SRSF10: variants seen among roughly 807,000 people sequenced by gnomAD.
SRSF10 encodes serine and arginine rich splicing factor 10.
Under a neutral mutation model 32.6 loss-of-function variants are expected in SRSF10, and 9 were observed. That is an observed-to-expected ratio of 0.28 (90% CI 0.17 to 0.48). The LOEUF (loss-of-function observed/expected upper bound fraction) is 0.48, where lower values mean the gene tolerates loss of function less well. Ranked by LOEUF, SRSF10 falls within the 20% of genes least tolerant of loss-of-function variation. The pLI, the probability that SRSF10 is intolerant of heterozygous loss-of-function variation, is 0.99. For missense variants in SRSF10, 201 were observed against 331.8 expected (o/e 0.61, Z 3.06); for synonymous variants, 105 against 112.4 (o/e 0.93, Z 0.42).
rs1420027265 is a variant in SRSF10, at chr1:23,971,729, A to AT, written c.438-104dup. The AT allele has an allele frequency of 2.3e-5, 35 of 1,509,480 alleles. No homozygotes were observed. The African/African-American group carries it at 3.4e-4, about 15-fold the overall frequency. The allele number at this position is 1,509,480 out of a possible 1,614,324, so 93.5% of individuals were successfully genotyped here. ...AACTTTTAAAATAAAATGCTACAGT[A>AT]TTTTTTGTCTCAATGAAACATTCAA... On this transcript the variant is annotated intron_variant, in intron 4 of 5. Transcript: ENST00000492112.
At chr1:23,977,912 T>C (rs1642191303) in intron 2 of SRSF10, 1 of 981,660 alleles carries the variant, frequency 1.0e-6, no homozygotes, top group South Asian at 4.7e-5. Context: ...GTAGGATACA[T>C]CAGGTATGAC....
intron 3 of SRSF10, among the ~76,000 whole-genome samples, chr1:23,972,550 C>T (rs1641830680): frequency 6.6e-6 from 1 of 152,136 alleles, no homozygotes; most frequent in Non-Finnish European, 1.5e-5. Context: ...TGAAGCCATT[C>T]TCCTGCCTCA....
chr1:23,970,131 C>A lies in SRSF10; in HGVS notation c.*1011G>T, dbSNP rs1641656080. 1.0e-6 allele frequency: 1 copy of A among 985,192 alleles called. No individual in the cohort carries two copies. Among genetic ancestry groups the A allele is most frequent in the Admixed American group, 6.1e-5 (1 of 16,262 alleles). 61.0% of individuals were successfully genotyped at this position (985,192 alleles called of 1,614,324 possible). On this transcript the variant is annotated 3_prime_UTR_variant, in exon 6 of 6. Coordinates refer to ENST00000492112, the MANE Select transcript of SRSF10 (RefSeq NM_054016.4). ...TTTAGAATAACTACATAAGAATATTCCTTTTTCCTTAAAATTATTTTTGCC... is the reference window on the plus strand; with the variant it reads ...TTTAGAATAACTACATAAGAATATTACTTTTTCCTTAAAATTATTTTTGCC...
In SRSF10 at chr1:23,969,814, C is replaced by T; in HGVS notation, c.*1328G>A. ...AGATGTGACTCTTGCTTAAAACTGA[C>T]TAATCCTTTTCCCCAAATTACCTTA... On this transcript the variant is annotated 3_prime_UTR_variant, in exon 6 of 6. Transcript: ENST00000492112. 2 of 985,416 alleles carry T rather than the reference C, an allele frequency of 2.0e-6. No homozygotes were observed. The highest frequency in any genetic ancestry group is 2.4e-6 in the Non-Finnish European group (2 of 829,928). The allele number at this position is 985,416 out of a possible 1,614,324, so 61.0% of individuals were successfully genotyped here. A position where few individuals can be genotyped will look rare whatever the true frequency, so the allele number is the denominator to read the frequency against.
At chr1:23,977,381 G>C (rs1446699061) in intron 2 of SRSF10, 1 of 152,258 alleles carries the variant, frequency 6.6e-6, no homozygotes, top group Non-Finnish European at 1.5e-5. Flanking sequence ...CCAGGGAGAA[G>C]GCCTTCTGCA....
At chr1:23,975,983 G>A (rs1487125031) in intron 2 of SRSF10, 2 of 152,158 alleles carry the variant, frequency 1.3e-5, no homozygotes, top group African/African-American at 2.4e-5. Flanking sequence ...ATAATACTAC[G>A]AGAACTGCTG....
chr1:23,980,245 T>C lies in SRSF10; in HGVS notation c.11A>G (p.Tyr4Cys). 1.3e-6 allele frequency: 2 copies of C among 1,509,310 alleles called. No homozygotes were observed. The highest frequency in any genetic ancestry group is 1.8e-6 in the Non-Finnish European group (2 of 1,126,680). The allele number at this position is 1,509,310 out of a possible 1,614,324, so 93.5% of individuals were successfully genotyped here. The change falls in exon 1 of 6, where the codon TAC becomes TGC. Residue 4 changes from tyrosine to cysteine, a missense_variant. Transcript: ENST00000492112. ...CAGAGACGTGTTGGGGGGACGCAGG[T>C]AGCGGGACATGGCGGCGGCGTGTCT... MSR[Y>C]LRPPNTSLFV...
intron 3 of SRSF10, 53 bp from the exon 4 acceptor site, chr1:23,972,065 G>A: frequency 7.2e-7 from 1 of 1,398,458 alleles, no homozygotes; most frequent in Non-Finnish European, 9.4e-7. Flanking sequence ...CAGTATTAAA[G>A]CCCTCAATAA....
chr1:23,971,630 A>G lies in SRSF10; in HGVS notation c.438-4T>C. The stretch of plus-strand genomic sequence containing the variant: ...TGGTCTTCCAGTCGGTCTACTGCTA[A>G]AAAGCATATCAGAAAAAGCAGTGAC... On this transcript the variant is annotated splice_polypyrimidine_tract_variant and splice_region_variant and intron_variant, in intron 4 of 5. Coordinates refer to ENST00000492112, the MANE Select transcript of SRSF10 (RefSeq NM_054016.4). 3 of 1,609,532 alleles carry G rather than the reference A, an allele frequency of 1.9e-6. No individual in the cohort carries two copies. Among genetic ancestry groups the G allele is most frequent in the Non-Finnish European group, 2.5e-6 (3 of 1,179,414 alleles).
chr1:23,964,593 T>C lies in SRSF10; in HGVS notation c.*6549A>G, dbSNP rs1330141302. On this transcript the variant is annotated 3_prime_UTR_variant, in exon 6 of 6. Transcript: ENST00000492112. ...TCCTTAAGCTTAAAATAAATACTAATAAACTATCCTCTTCCCTAGAACTAC... is the reference window on the plus strand; with the variant it reads ...TCCTTAAGCTTAAAATAAATACTAACAAACTATCCTCTTCCCTAGAACTAC... 6.6e-6 allele frequency among the ~76,000 whole-genome samples: 1 copy of C among 151,990 alleles called. No individual in the cohort carries two copies. The highest frequency in any genetic ancestry group is 1.5e-5 in the Non-Finnish European group (1 of 67,874).
At chr1:23,978,885 TTTTGATG>T in intron 1 of SRSF10, 68 bp from the exon 2 acceptor site, 2 of 1,379,524 alleles carry the variant, frequency 1.4e-6, no homozygotes, top group Non-Finnish European at 2.0e-6. Flanking sequence ...CAATATATCT[TTTTGATG>T]AAGGAAAGCT....
rs1252957755 is a variant in SRSF10, at chr1:23,965,262, T to G, written c.*5880A>C. The G allele has an allele frequency of 6.6e-6, 1 of 151,982 alleles. No individual in the cohort carries two copies. The highest frequency in any genetic ancestry group is 1.9e-4 in the East Asian group (1 of 5,198). 9.4% of individuals were successfully genotyped at this position (151,982 alleles called of 1,614,324 possible). A position where few individuals can be genotyped will look rare whatever the true frequency, so the allele number is the denominator to read the frequency against. ...CCTCAGATTATTCCTGAGCTATCACTCAAGTCACAGATACTTCAGAATATA... is the reference window on the plus strand; with the variant it reads ...CCTCAGATTATTCCTGAGCTATCACGCAAGTCACAGATACTTCAGAATATA... On this transcript the variant is annotated 3_prime_UTR_variant, in exon 6 of 6. Transcript: ENST00000492112.
chr1:23,973,797 A>G (rs1641915072), intron 3 of SRSF10, among the ~76,000 whole-genome samples: 1 of 152,214 alleles, frequency 6.6e-6, no homozygotes, highest in African/African-American at 2.4e-5. Flanking sequence ...CCCTAAGTAG[A>G]ATAATAAGGC....
intron 1 of SRSF10, 133 bp downstream of exon 1, chr1:23,980,058 G>T: frequency 2.0e-6 from 2 of 1,008,866 alleles, no homozygotes; most frequent in South Asian, 1.7e-5. Context: ...GGCCTAGTTC[G>T]GCGCCAAAGC....
At chr1:23,976,839 C>T (rs1642122417) in intron 2 of SRSF10, 1 of 152,190 alleles carries the variant, frequency 6.6e-6, no homozygotes, top group Non-Finnish European at 1.5e-5. Context: ...AAATGAAATT[C>T]ATAAGCCTGT....
chr1:23,971,436 G>A lies in SRSF10; in HGVS notation c.495C>T (p.Phe165=). The A allele has an allele frequency of 6.2e-7, 1 of 1,607,864 alleles. No individual in the cohort carries two copies. The change falls in exon 6 of 6, where the codon TTC becomes TTT. Residue 165 remains phenylalanine, a synonymous_variant. Transcript: ENST00000492112. ...RSRSHSDNDR[F]KHRNRSFSRS... ...TTGAAAAAGATCGATTTCGGTGTTT[G>A]AATCTTTCAAAACAGAGGAGAGATA... is the stretch of plus-strand genomic sequence containing the variant.
chr1:23,972,151 G>C (rs1247886662), intron 3 of SRSF10, 139 bp from the exon 4 acceptor site: 2 of 658,580 alleles, frequency 3.0e-6, no homozygotes, highest in Admixed American at 7.1e-5. Flanking sequence ...GCTCACACCT[G>C]TGATCCCACT....
chr1:23,979,025 G>C (rs891207401), intron 1 of SRSF10: 8 of 231,676 alleles, frequency 3.5e-5, no homozygotes, highest in African/African-American at 1.9e-4. Flanking sequence ...TTTCATAAAA[G>C]GTACAGCAGC....
chr1:23,977,294 G>C (rs1191788063), intron 2 of SRSF10: 2 of 152,142 alleles, frequency 1.3e-5, no homozygotes, highest in Non-Finnish European at 2.9e-5. Context: ...TGATCTCACT[G>C]AAAGGAACGG....
Sources: gnomAD v4.1 joint callset for allele counts (sites outside exome capture counted in the v4.1 genomes callset) on GRCh38, gnomAD v4.1.1 for gene constraint, MANE v1.5 for transcripts, NCBI Gene and HGNC (gene_info 2026-07-23, HGNC 2026-07-21) for gene names.